Variants in AUTS2 observed in about 807,000 individuals in gnomAD.
The protein encoded by AUTS2 is activator of transcription and developmental regulator AUTS2.
A neutral mutation model predicts 112.4 loss-of-function variants in AUTS2; 17 were observed. That is an observed-to-expected ratio of 0.15 (90% CI 0.10 to 0.23). The LOEUF is 0.23. Among genes scored for constraint, AUTS2 ranks in the 10% least tolerant of loss-of-function variants. The pLI, the probability that AUTS2 is intolerant of heterozygous loss-of-function variation, is 1.00. For missense variants in AUTS2, 1,510 were observed against 1,701.6 expected, an observed-to-expected ratio of 0.89 and a Z score of 1.98; for synonymous variants, 751 against 702.7, an observed-to-expected ratio of 1.07 and a Z score of -1.09.
chr7:70,530,508 C>T (rs781410616), intron 5 of AUTS2, among the ~76,000 whole-genome samples: 2 of 152,110 alleles, frequency 1.3e-5, no homozygotes, highest in Non-Finnish European at 2.9e-5. Context: ...AAACCTTATG[C>T]TCAAGCCTTT....
intron 5 of AUTS2, among the ~76,000 whole-genome samples, chr7:70,473,876 A>G (rs1332505330): frequency 1.3e-5 from 2 of 152,076 alleles, no homozygotes; most frequent in African/African-American, 2.4e-5. Context: ...ATGCCTCTCA[A>G]TGGTGAAGGT....
intron 5 of AUTS2, among the ~76,000 whole-genome samples, chr7:70,533,010 T>C (rs1270523521): frequency 2.0e-5 from 3 of 152,196 alleles, no homozygotes; most frequent in Non-Finnish European, 4.4e-5. Flanking sequence ...GAGAAGGCCA[T>C]AGGGACAGTC....
At chr7:70,547,630 C>T (rs74535767) in intron 5 of AUTS2, among the ~76,000 whole-genome samples, 2,107 of 152,250 alleles carry the variant, frequency 0.014, 47 homozygotes, top group African/African-American at 0.048. Flanking sequence ...TAGCATTTAT[C>T]CATAATTTGT....
At chr7:69,702,940 G>T (rs1336116247) in intron 1 of AUTS2, among the ~76,000 whole-genome samples, 18 of 152,158 alleles carry the variant, frequency 1.2e-4, no homozygotes, top group Admixed American at 9.2e-4. Flanking sequence ...CTCTCACATG[G>T]ATCCTGCTTG....
intron 5 of AUTS2, among the ~76,000 whole-genome samples, 180 bp from the exon 6 acceptor site, chr7:70,698,389 A>G (rs750184493): frequency 9.9e-5 from 15 of 152,120 alleles, no homozygotes; most frequent in Non-Finnish European, 1.8e-4. Flanking sequence ...AAATAGCTGC[A>G]CTGCAGGTCT....
At chr7:70,549,709 A>G (rs1313141442) in intron 5 of AUTS2, among the ~76,000 whole-genome samples, 1 of 152,204 alleles carries the variant, frequency 6.6e-6, no homozygotes, top group African/African-American at 2.4e-5. Flanking sequence ...ATTTTTTAAA[A>G]AGCCACTTCG....
chr7:70,216,155 T>C (rs573639294), intron 4 of AUTS2, among the ~76,000 whole-genome samples: 32 of 152,330 alleles, frequency 2.1e-4, no homozygotes, highest in African/African-American at 7.0e-4. Flanking sequence ...TTTGGGGTAT[T>C]ACAGCTGTTC....
At position 69,947,876 on chromosome 7, in the gene AUTS2, G is replaced by A. The variant is rs574878757; in HGVS notation, c.522+48378G>A. Among the ~76,000 whole-genome samples, 5 of 152,264 alleles carry A rather than the reference G, an allele frequency of 3.3e-5. No individual in the cohort carries two copies. In the East Asian group the frequency reaches 9.6e-4, roughly 29 times the overall value. On this transcript the variant is annotated intron_variant, in intron 2 of 18. Transcript: ENST00000342771. ...GTTGTTATTCCCTTCTTATAGGTTA[G>A]GAAACTGAGGCTCAGAGAGATTAAG...
intron 2 of AUTS2, among the ~76,000 whole-genome samples, chr7:70,093,762 C>T (rs1347516350): frequency 6.6e-6 from 1 of 152,196 alleles, no homozygotes; most frequent in African/African-American, 2.4e-5. Flanking sequence ...TGTCATGGAA[C>T]ATGTAAGCTG....
chr7:69,660,534 T>TA (rs914270460), intron 1 of AUTS2, among the ~76,000 whole-genome samples: 11 of 152,324 alleles, frequency 7.2e-5, no homozygotes, highest in African/African-American at 2.6e-4. Flanking sequence ...ATTTAAAACT[T>TA]ACTTATTTTG....
chr7:69,696,876 C>T (rs1258438660), intron 1 of AUTS2, among the ~76,000 whole-genome samples: 1 of 152,188 alleles, frequency 6.6e-6, no homozygotes, highest in Admixed American at 6.5e-5. Flanking sequence ...ACTGAACCAG[C>T]ATTGCATATG....
chr7:69,821,717 A>T (rs1791003767), intron 1 of AUTS2, among the ~76,000 whole-genome samples: 1 of 151,984 alleles, frequency 6.6e-6, no homozygotes, highest in African/African-American at 2.4e-5. Context: ...GAGCTGTAAC[A>T]TTCACCTTGA....
intron 4 of AUTS2, among the ~76,000 whole-genome samples, chr7:70,328,624 T>C (rs558070704): frequency 1.3e-5 from 2 of 152,262 alleles, no homozygotes; most frequent in South Asian, 2.1e-4. Context: ...TGCTTGGAAG[T>C]TGTAGACCTT....
intron 1 of AUTS2, among the ~76,000 whole-genome samples, chr7:69,652,131 T>A (rs973989462): frequency 6.6e-5 from 10 of 152,172 alleles, no homozygotes; most frequent in African/African-American, 2.4e-4. Context: ...GTTAATCTTA[T>A]TGAAGATTTC....
intron 4 of AUTS2, among the ~76,000 whole-genome samples, chr7:70,372,637 T>G (rs1792888855): frequency 6.6e-6 from 1 of 151,826 alleles, no homozygotes; most frequent in Admixed American, 6.6e-5. Flanking sequence ...CATCTTTGCT[T>G]GCTTCTTACT....
At chr7:69,870,750 G>A (rs1229077513) in intron 1 of AUTS2, among the ~76,000 whole-genome samples, 2 of 151,918 alleles carry the variant, frequency 1.3e-5, no homozygotes, top group East Asian at 1.9e-4. Context: ...GTAGGACAAA[G>A]GTGCCATTAA....
chr7:70,746,989 T>C (rs1180835649), intron 6 of AUTS2, among the ~76,000 whole-genome samples: 4 of 152,052 alleles, frequency 2.6e-5, no homozygotes, highest in Non-Finnish European at 5.9e-5. Flanking sequence ...ATGAAAACAA[T>C]GGATGCTGTG....
chr7:69,671,984 G>A (rs751748264), intron 1 of AUTS2, among the ~76,000 whole-genome samples: 1 of 152,002 alleles, frequency 6.6e-6, no homozygotes, highest in Non-Finnish European at 1.5e-5. Context: ...GGCAGGGTCT[G>A]AGGCAGTAGG....
At chr7:70,179,036 C>A (rs1459367029) in intron 4 of AUTS2, among the ~76,000 whole-genome samples, 4 of 152,122 alleles carry the variant, frequency 2.6e-5, no homozygotes, top group African/African-American at 9.7e-5. Flanking sequence ...CTGGCCCCAC[C>A]TTTGGCTCAG....
Sources: gnomAD v4.1 joint callset for allele counts (sites outside exome capture counted in the v4.1 genomes callset) on GRCh38, gnomAD v4.1.1 for gene constraint, MANE v1.5 for transcripts, NCBI Gene and HGNC (gene_info 2026-07-23, HGNC 2026-07-21) for gene names.